EML4: variants seen among roughly 807,000 people sequenced by gnomAD.
EML4 encodes the protein echinoderm microtubule-associated protein-like 4.
A neutral mutation model predicts 129.0 loss-of-function variants in EML4; 72 were observed. The ratio of observed to expected loss-of-function variants is 0.56; its 90% CI spans 0.46 to 0.68. EML4 has a LOEUF of 0.68. Among genes scored for constraint, EML4 ranks in the 30% least tolerant of loss-of-function variants. EML4 has a pLI of 0.00. For synonymous variants in EML4, 532 were observed against 405.0 expected, an observed-to-expected ratio of 1.31 and a Z score of -3.77; for missense variants, 1,363 against 1,190.6, an observed-to-expected ratio of 1.14 and a Z score of -2.13.
At chr2:42,245,914 A>G (rs1255844017) in intron 2 of EML4, among the ~76,000 whole-genome samples, 2 of 152,086 alleles carry the variant, frequency 1.3e-5, no homozygotes, top group Non-Finnish European at 2.9e-5. Flanking sequence ...TTTTTATGTT[A>G]CAGTATTTGT....
At chr2:42,262,150 A>G (rs980573867) in intron 4 of EML4, among the ~76,000 whole-genome samples, 1 of 152,136 alleles carries the variant, frequency 6.6e-6, no homozygotes, top group African/African-American at 2.4e-5. Flanking sequence ...ATAAATGACA[A>G]CCATTCCTAA....
chr2:42,230,810 C>T (rs779317403), intron 1 of EML4, among the ~76,000 whole-genome samples: 6 of 152,208 alleles, frequency 3.9e-5, no homozygotes, highest in Non-Finnish European at 8.8e-5. Flanking sequence ...TCATCTTCTT[C>T]CCTTCATTCT....
chr2:42,295,889 G>A (rs1667920067), intron 13 of EML4, among the ~76,000 whole-genome samples: 1 of 152,154 alleles, frequency 6.6e-6, no homozygotes, highest in African/African-American at 2.4e-5. Flanking sequence ...GGAGAGAAAA[G>A]GAATAAACTC....
At chr2:42,186,160 T>A (rs1671238014) in intron 1 of EML4, among the ~76,000 whole-genome samples, 2 of 152,188 alleles carry the variant, frequency 1.3e-5, no homozygotes, top group African/African-American at 4.8e-5. Context: ...CTACTTTGGA[T>A]TGAATCAGTT....
chr2:42,251,269 G>A (rs935973867), intron 2 of EML4, among the ~76,000 whole-genome samples: 1 of 152,182 alleles, frequency 6.6e-6, no homozygotes, highest in Non-Finnish European at 1.5e-5. Context: ...ACATAGAAAA[G>A]ATATGGTAAA....
chr2:42,218,681 C>T (rs765525781), intron 1 of EML4, among the ~76,000 whole-genome samples: 2 of 152,180 alleles, frequency 1.3e-5, no homozygotes, highest in African/African-American at 4.8e-5. Context: ...TACTCGGTTC[C>T]TATCCATACA....
intron 1 of EML4, among the ~76,000 whole-genome samples, chr2:42,180,610 T>G (rs916690371): frequency 6.6e-6 from 1 of 152,190 alleles, no homozygotes; most frequent in Admixed American, 6.5e-5. Context: ...TTCTTTACAC[T>G]ATAACAATTT....
rs556000849 is a variant in EML4 at position 42,305,152 on chromosome 2, C to T, written c.1967+601C>T. 8.5e-5 allele frequency among the ~76,000 whole-genome samples: 13 copies of T among 152,202 alleles called. No homozygotes were observed. In the South Asian group the frequency reaches 1.9e-3, roughly 22 times the overall value. On this transcript the variant is annotated intron_variant, in intron 17 of 22. Coordinates refer to ENST00000318522, the MANE Select transcript of EML4 (RefSeq NM_019063.5). ...TAAGGCGAGTTGCAGTAGCCCACGC[C>T]AGTAATTCCAGTGCTTTGGGAGGCT...
intron 1 of EML4, among the ~76,000 whole-genome samples, chr2:42,215,811 A>C (rs1673150482): frequency 6.6e-6 from 1 of 152,220 alleles, no homozygotes; most frequent in Non-Finnish European, 1.5e-5. Context: ...TAGAACTTTT[A>C]AATCTGCCTT....
intron 6 of EML4, among the ~76,000 whole-genome samples, chr2:42,273,357 C>A (rs975751076): frequency 6.6e-6 from 1 of 152,054 alleles, no homozygotes; most frequent in African/African-American, 2.4e-5. Context: ...TAAAAATAAT[C>A]TAAAATGCTT....
intron 1 of EML4, among the ~76,000 whole-genome samples, chr2:42,211,255 C>T (rs902594306): frequency 1.4e-4 from 21 of 152,258 alleles, no homozygotes; most frequent in African/African-American, 4.6e-4. Context: ...TCACATACTC[C>T]TGTGTGTTGT....
At chr2:42,210,955 A>G (rs1672852565) in intron 1 of EML4, among the ~76,000 whole-genome samples, 1 of 152,240 alleles carries the variant, frequency 6.6e-6, no homozygotes, top group African/African-American at 2.4e-5. Context: ...ATGTTTAAAT[A>G]TTAGCAAAAT....
In EML4 at chr2:42,263,195, C is replaced by A; in HGVS notation, c.530C>A (p.Pro177Gln). The part of the protein sequence containing the change: ...TPTKSIKRPS[P>Q]AEKSHNSWEN... Reference sequence around the variant, plus strand: ...CCTTCTAGCATAAAACGACCATCACCAGCTGAAAAGTCACATAATTCTTGG... The same window carrying A: ...CCTTCTAGCATAAAACGACCATCACAAGCTGAAAAGTCACATAATTCTTGG... The change falls in exon 5 of 23, where the codon CCA (proline) becomes CAA (glutamine). Residue 177 changes from proline (P) to glutamine (Q), a missense_variant. Physicochemically the swap from Pro to Gln is moderately conservative, Grantham distance 76 (BLOSUM62 -1). Coordinates refer to ENST00000318522, the MANE Select transcript of EML4 (RefSeq NM_019063.5). The A allele has an allele frequency of 1.2e-6, 2 of 1,611,858 alleles. No homozygotes were observed. Among genetic ancestry groups the A allele is most frequent in the Non-Finnish European group, 1.7e-6 (2 of 1,179,238 alleles).
intron 1 of EML4, among the ~76,000 whole-genome samples, chr2:42,196,725 G>C (rs984753786): frequency 6.6e-6 from 1 of 152,182 alleles, no homozygotes; most frequent in African/African-American, 2.4e-5. Flanking sequence ...TAAGGTCCAA[G>C]GAAAGCTAAA....
intron 2 of EML4, among the ~76,000 whole-genome samples, chr2:42,249,824 AC>A (rs1452402510): frequency 2.6e-5 from 4 of 152,184 alleles, no homozygotes; most frequent in Non-Finnish European, 5.9e-5. Flanking sequence ...GTGGCCAGTC[AC>A]TTAAATTTTT....
At chr2:42,302,109 A>G (rs967093793) in intron 14 of EML4, among the ~76,000 whole-genome samples, 3 of 152,138 alleles carry the variant, frequency 2.0e-5, no homozygotes, top group Non-Finnish European at 2.9e-5. Flanking sequence ...AGATTGTTCC[A>G]TGTATTGCAT....
chr2:42,329,604 C>A, intron 22 of EML4, 130 bp from the exon 23 acceptor site: 1 of 693,046 alleles, frequency 1.4e-6, no homozygotes, highest in Non-Finnish European at 2.5e-6. Context: ...GATTTGATGA[C>A]TTCTGGCTTT....
At chr2:42,303,919 C>T (rs956103314) in intron 16 of EML4, among the ~76,000 whole-genome samples, 1 of 152,088 alleles carries the variant, frequency 6.6e-6, no homozygotes, top group African/African-American at 2.4e-5. Context: ...AGCGAGACTC[C>T]GTCTCAAAAA....
At chr2:42,276,110 A>G (rs1572672524) in intron 6 of EML4, among the ~76,000 whole-genome samples, 1 of 152,164 alleles carries the variant, frequency 6.6e-6, no homozygotes, top group African/African-American at 2.4e-5. Context: ...GCTCCTCTTC[A>G]TCTATGTATT....
Sources: gnomAD v4.1 joint callset for allele counts (sites outside exome capture counted in the v4.1 genomes callset) on GRCh38, gnomAD v4.1.1 for gene constraint, MANE v1.5 for transcripts, NCBI Gene and HGNC (gene_info 2026-07-23, HGNC 2026-07-21) for gene names.